The following TAS2R14 variants were observed in gnomAD, a reference collection of about 807,000 sequenced individuals.
TAS2R14 encodes the protein taste receptor type 2 member 14.
For synonymous variants in TAS2R14, 131 were observed against 131.0 expected (o/e 1.00, Z 0.00); for missense variants, 383 against 372.0 (o/e 1.03, Z -0.24).
Position 10,938,937 on chromosome 12 carries a change from C to T in TAS2R14, c.271G>A (p.Val91Met), listed in dbSNP as rs1365830788. Residue 91 changes from valine (V) to methionine (M), a missense_variant, in exon 1 of 1, where the codon GTG (valine) becomes ATG (methionine). Physicochemically the swap from Val to Met is conservative, Grantham distance 21. Coordinates refer to ENST00000537503, the Ensembl canonical transcript of TAS2R14. ...AACCAGACACTAAAATGATTGATCACTGTCCAGATATTAGTAAGCATTCTG... is the reference window on the plus strand; with the variant it reads ...AACCAGACACTAAAATGATTGATCATTGTCCAGATATTAGTAAGCATTCTG... 1.9e-5 allele frequency: 30 copies of T among 1,613,812 alleles called. No homozygotes were observed. Among genetic ancestry groups the T allele is most frequent in the Non-Finnish European group, 2.5e-5 (30 of 1,179,976 alleles).
rs746710545 is a variant in TAS2R14, at chr12:10,938,384, C to A, written c.824G>T (p.Cys275Phe). The A allele has an allele frequency of 1.5e-5, 25 of 1,613,906 alleles. No individual in the cohort carries two copies. The South Asian group carries it at 2.6e-4, about 17-fold the overall frequency. The change falls in exon 1 of 1, where the codon TGT becomes TTT. Residue 275 changes from cysteine (C) to phenylalanine (F), a missense_variant. By Grantham distance (205) the Cys-to-Phe change is radical. Coordinates refer to ENST00000537503, the Ensembl canonical transcript of TAS2R14. ...TCCAAGAATCAGAACACATGAGTGA[C>A]ATGAAGGATAAGCCATTCCCATCAC... is the stretch of plus-strand genomic sequence containing the variant.
At chr12:10,938,069 A>C (rs1235922416) in exon 1 of TAS2R14, 1 of 498,726 alleles carries the variant, frequency 2.0e-6, no homozygotes, top group Admixed American at 3.7e-5. Flanking sequence ...TAGTATTCGC[A>C]TTCTTCTCTG....
exon 1 of TAS2R14, chr12:10,937,930 A>T (rs1950316414): frequency 5.1e-6 from 1 of 195,300 alleles, no homozygotes; most frequent in Non-Finnish European, 1.0e-5. Flanking sequence ...GCCTATTTTT[A>T]GTAACTGTGT....
At chr12:10,938,236 A>AT (rs760868761) in exon 1 of TAS2R14, 23 of 1,493,936 alleles carry the variant, frequency 1.5e-5, no homozygotes, top group East Asian at 4.6e-5. Flanking sequence ...CTTAGGAGCT[A>AT]TTTTTTTTCT....
exon 1 of TAS2R14, chr12:10,938,491 G>C (rs745490771): frequency 1.9e-6 from 3 of 1,614,064 alleles, no homozygotes; most frequent in African/African-American, 1.3e-5. Flanking sequence ...AAATGGCATA[G>C]AGTAGGAAGA....
At chr12:10,937,847 A>C in exon 1 of TAS2R14, 1 of 155,444 alleles carries the variant, frequency 6.4e-6, no homozygotes, top group East Asian at 1.9e-4. Flanking sequence ...AATTAAAAAC[A>C]CTTAATATAG....
At chr12:10,938,727 T>C in exon 1 of TAS2R14, 1 of 1,613,994 alleles carries the variant, frequency 6.2e-7, no homozygotes, top group East Asian at 2.2e-5. Flanking sequence ...GTCTTGTTTC[T>C]TCTGTATCCA....
At chr12:10,938,079 G>A in exon 1 of TAS2R14, 1 of 531,306 alleles carries the variant, frequency 1.9e-6, no homozygotes, top group Non-Finnish European at 3.3e-6. Flanking sequence ...ATTCTTCTCT[G>A]TATGGTAATA....
At chr12:10,938,770 T>A in exon 1 of TAS2R14, 1 of 1,613,580 alleles carries the variant, frequency 6.2e-7, no homozygotes, top group Non-Finnish European at 8.5e-7. Flanking sequence ...TGTTTATCAG[T>A]GCAATATTTA....
exon 1 of TAS2R14, chr12:10,938,899 G>A (rs748626893): frequency 6.8e-6 from 11 of 1,613,896 alleles, no homozygotes; most frequent in Non-Finnish European, 7.6e-6. Flanking sequence ...AAAAAGTACC[G>A]AGGCCTGTAG....
At position 10,938,793 on chromosome 12, in the gene TAS2R14, C is replaced by A. The variant is rs375453508; in HGVS notation, c.415G>T (p.Val139Phe). The change falls in exon 1 of 1, where the codon GTC becomes TTC. Residue 139 changes from valine (V) to phenylalanine (F), a missense_variant. By Grantham distance (50) the Val-to-Phe change is conservative. Coordinates refer to ENST00000537503, the Ensembl canonical transcript of TAS2R14. ...AGTGCAATATTTAAAAACAAGAAGA[C>A]CGAAGTCACAAGAAGCAGCACCAAA... 9 of 1,613,194 alleles carry A rather than the reference C, an allele frequency of 5.6e-6. No individual in the cohort carries two copies. In the African/African-American group the frequency reaches 1.1e-4, roughly 19 times the overall value.
exon 1 of TAS2R14, chr12:10,938,976 T>G: frequency 6.2e-7 from 1 of 1,613,362 alleles, no homozygotes; most frequent in Non-Finnish European, 8.5e-7. Context: ...ATTTTTTCAG[T>G]GGCAAATAAA....
exon 1 of TAS2R14, chr12:10,938,650 GAAC>G: frequency 6.2e-7 from 1 of 1,613,932 alleles, no homozygotes. Context: ...GTATGAAAAT[GAAC>G]ACAGTGCTGG....
chr12:10,938,823 C>T (rs1292000653), exon 1 of TAS2R14: 3 of 1,613,418 alleles, frequency 1.9e-6, no homozygotes, highest in East Asian at 2.2e-5. Flanking sequence ...ACCAAAACCA[C>T]CTTTTTAACC....
exon 1 of TAS2R14, chr12:10,938,072 C>T (rs1184932626): frequency 4.0e-6 from 2 of 497,118 alleles, no homozygotes; most frequent in East Asian, 3.1e-5. Flanking sequence ...TATTCGCATT[C>T]TTCTCTGTAT....
chr12:10,939,120 C>T (rs1470949349), exon 1 of TAS2R14: 1 of 1,607,370 alleles, frequency 6.2e-7, no homozygotes, highest in Non-Finnish European at 8.5e-7. Context: ...ATACAGTTCA[C>T]CAGTGCTATG....
exon 1 of TAS2R14, chr12:10,938,676 G>A: frequency 1.2e-6 from 2 of 1,614,006 alleles, no homozygotes; most frequent in East Asian, 2.2e-5. Flanking sequence ...AATACAATAA[G>A]ACTGGAAAAT....
In TAS2R14 at chr12:10,938,217, C is replaced by A; in HGVS notation, c.*37G>T. 5 of 1,365,842 alleles carry A rather than the reference C, an allele frequency of 3.7e-6. No individual in the cohort carries two copies. In the South Asian group the frequency reaches 7.1e-5, roughly 19 times the overall value. 84.6% of individuals were successfully genotyped at this position (1,365,842 alleles called of 1,614,324 possible). On this transcript the variant is annotated 3_prime_UTR_variant, in exon 1 of 1. Transcript: ENST00000537503. ...AGGAAGTATAAATTTATATAACATA[C>A]AAGAATTTCTTAGGAGCTATTTTTT...
chr12:10,938,168 G>T lies in TAS2R14; in HGVS notation c.*86C>A, dbSNP rs528292977. On this transcript the variant is annotated 3_prime_UTR_variant, in exon 1 of 1. Transcript: ENST00000537503. ...AGCATATCTTTGTAAAATTCACAAA[G>T]TTATACACAATGAAAGAATCTTAAG... The T allele has an allele frequency of 1.0e-3, 956 of 935,330 alleles. 13 individuals carry two copies. The South Asian group carries it at 0.016, about 16-fold the overall frequency. The allele number at this position is 935,330 out of a possible 1,614,324, so 57.9% of individuals were successfully genotyped here. A position where few individuals can be genotyped will look rare whatever the true frequency, so the allele number is the denominator to read the frequency against.
Sources: allele counts gnomAD v4.1 joint callset, GRCh38; gene constraint gnomAD v4.1.1; transcripts MANE v1.5; gene names NCBI Gene and HGNC (gene_info 2026-07-23, HGNC 2026-07-21).